Variants in CFAP299 observed in about 807,000 individuals in gnomAD.
The protein encoded by CFAP299 is cilia- and flagella-associated protein 299.
CFAP299 carries 21 observed loss-of-function variants against 27.0 expected under a neutral mutation model. The ratio of observed to expected loss-of-function variants is 0.78; its 90% confidence interval spans 0.55 to 1.12. The LOEUF is 1.12. Ranked by LOEUF, CFAP299 falls within the 50% of genes most tolerant of loss-of-function variation. The probability of loss-of-function intolerance (pLI) is 0.00; values close to 1 mark genes in which losing one functional copy is unlikely to be tolerated. For missense variants in CFAP299, 310 were observed against 276.6 expected (o/e 1.12, Z -0.86); for synonymous variants, 104 against 98.1 (o/e 1.06, Z -0.36).
At chr4:80,911,915 C>CA (rs1305284203) in intron 4 of CFAP299, among the ~76,000 whole-genome samples, 1 of 146,408 alleles carries the variant, frequency 6.8e-6, no homozygotes, top group Non-Finnish European at 1.5e-5. Context: ...AACTGAGTTT[C>CA]AAAAGCAAAA....
At chr4:80,682,219 A>T (rs1269751008) in intron 3 of CFAP299, among the ~76,000 whole-genome samples, 1 of 152,206 alleles carries the variant, frequency 6.6e-6, no homozygotes, top group East Asian at 1.9e-4. Context: ...ATTCATGCTC[A>T]GTACTTAAAA....
intron 3 of CFAP299, among the ~76,000 whole-genome samples, chr4:80,753,829 T>A (rs1389152697): frequency 6.6e-6 from 1 of 152,170 alleles, no homozygotes; most frequent in African/African-American, 2.4e-5. Context: ...TTCGTTTTAG[T>A]TTTAGCATTT....
chr4:80,855,892 C>T (rs2110152640), intron 3 of CFAP299, among the ~76,000 whole-genome samples: 1 of 151,802 alleles, frequency 6.6e-6, no homozygotes, highest in East Asian at 1.9e-4. Context: ...TTTATAGCAG[C>T]ATGATTTATA....
At chr4:80,757,766 T>C (rs1238740410) in intron 3 of CFAP299, among the ~76,000 whole-genome samples, 1 of 151,944 alleles carries the variant, frequency 6.6e-6, no homozygotes, top group Admixed American at 6.6e-5. Context: ...TCATTTGAAC[T>C]AAATGGGTAC....
At chr4:80,866,059 T>TTATATATATATATATATA (rs70956073) in intron 3 of CFAP299, among the ~76,000 whole-genome samples, 778 of 58,256 alleles carry the variant, frequency 0.013, 110 homozygotes, top group Non-Finnish European at 0.024. Flanking sequence ...ACTTAAAGTA[T>TTATATATATATATATATA]TATATATATA....
chr4:80,384,499 T>C (rs1344212218), intron 2 of CFAP299, among the ~76,000 whole-genome samples: 3 of 152,198 alleles, frequency 2.0e-5, no homozygotes, highest in South Asian at 2.1e-4. Context: ...AAAGAACTTA[T>C]TTTGTCTACA....
At chr4:80,871,281 A>T (rs1167663363) in intron 4 of CFAP299, 1 of 985,304 alleles carries the variant, frequency 1.0e-6, no homozygotes, top group Admixed American at 6.2e-5. Context: ...TCTCTCTTGC[A>T]GTAATGCCCA....
chr4:80,649,681 T>C (rs767956696), intron 3 of CFAP299, among the ~76,000 whole-genome samples: 18 of 152,220 alleles, frequency 1.2e-4, no homozygotes, highest in Non-Finnish European at 2.2e-4. Context: ...TAATAAACTT[T>C]TAGATCAAAA....
At chr4:80,415,920 G>A (rs1294620481) in intron 2 of CFAP299, among the ~76,000 whole-genome samples, 1 of 152,142 alleles carries the variant, frequency 6.6e-6, no homozygotes, top group Non-Finnish European at 1.5e-5. Context: ...GATTTGTTTT[G>A]TTTGATTTTC....
In CFAP299 at chr4:80,422,432, A is replaced by G. The variant is rs146585442; in HGVS notation, c.242+59548A>G. Among the ~76,000 whole-genome samples, 1,349 of 152,084 alleles carry G rather than the reference A, an allele frequency of 8.9e-3. 24 individuals are homozygous for G. The highest frequency in any genetic ancestry group is 0.03 in the African/African-American group (1,242 of 41,506). On this transcript the variant is annotated intron_variant, in intron 2 of 5. Transcript: ENST00000358105. ...ACAGGTGAGTTGCTTTTCTAACTGC[A>G]TCTGCTACTACGCCCATAGGCCGAC...
intron 3 of CFAP299, among the ~76,000 whole-genome samples, chr4:80,793,166 G>C (rs112079676): frequency 0.034 from 5,077 of 150,956 alleles, 204 homozygotes; most frequent in African/African-American, 0.1. Flanking sequence ...TTTATCACAA[G>C]GTCCCACAAT....
chr4:80,330,117 A>G, the CFAP299 span, among the ~76,000 whole-genome samples: 1 of 152,130 alleles, frequency 6.6e-6, no homozygotes, highest in African/African-American at 2.4e-5. Context: ...GCTTCAGGGT[A>G]AAAAGTGTGC....
At chr4:80,928,485 A>G (rs1437347582) in intron 4 of CFAP299, among the ~76,000 whole-genome samples, 1 of 152,150 alleles carries the variant, frequency 6.6e-6, no homozygotes, top group Non-Finnish European at 1.5e-5. Flanking sequence ...TATGGTGATT[A>G]TAAAGCAGAA....
chr4:80,590,957 G>T (rs1030233830), intron 3 of CFAP299, among the ~76,000 whole-genome samples: 2 of 151,962 alleles, frequency 1.3e-5, no homozygotes, highest in Non-Finnish European at 2.9e-5. Context: ...TGAGCAAGTT[G>T]CTTAGCAGGA....
intron 3 of CFAP299, among the ~76,000 whole-genome samples, chr4:80,675,775 G>A (rs1719407479): frequency 6.6e-6 from 1 of 152,208 alleles, no homozygotes; most frequent in African/African-American, 2.4e-5. Flanking sequence ...CCAGGCTGCT[G>A]CCTTGCAGGT....
At chr4:80,366,358 TACTC>T (rs1222605674) in intron 2 of CFAP299, among the ~76,000 whole-genome samples, 1 of 152,202 alleles carries the variant, frequency 6.6e-6, no homozygotes, top group Admixed American at 6.5e-5. Flanking sequence ...GTATGTTAAT[TACTC>T]ACAATAGCTT....
At chr4:80,584,823 A>G (rs373129323) in intron 3 of CFAP299, among the ~76,000 whole-genome samples, 5 of 151,962 alleles carry the variant, frequency 3.3e-5, no homozygotes, top group East Asian at 1.9e-4. Flanking sequence ...GTGGCTCTAT[A>G]TGAGGCATCG....
Position 80,757,191 on chromosome 4 carries a change from C to G in CFAP299, c.334-112802C>G, listed in dbSNP as rs137941914. On this transcript the variant is annotated intron_variant, in intron 3 of 5. Transcript: ENST00000358105. ...GTTCTGGTAAGTCAGCTTTTAGGCT[C>G]TCTTCATTAATTCACATAAGAGAAA... is the stretch of plus-strand genomic sequence containing the variant. Among the ~76,000 whole-genome samples the G allele has an allele frequency of 3.6e-3, 548 of 152,006 alleles. 1 individual carries two copies. The highest frequency in any genetic ancestry group is 0.013 in the Admixed American group (205 of 15,276).
intron 5 of CFAP299, 101 bp from the exon 6 acceptor site, chr4:80,963,415 GT>G (rs913383438): frequency 5.4e-5 from 33 of 607,686 alleles, no homozygotes; most frequent in Non-Finnish European, 7.6e-5. Flanking sequence ...AAACTTGCTA[GT>G]TTTTTTTTCT....
Sources: gnomAD v4.1 joint callset for allele counts (sites outside exome capture counted in the v4.1 genomes callset) on GRCh38, gnomAD v4.1.1 for gene constraint, MANE v1.5 for transcripts, NCBI Gene and HGNC (gene_info 2026-07-23, HGNC 2026-07-21) for gene names.